Variants in CPLANE1 observed in about 807,000 individuals in gnomAD.
CPLANE1 encodes ciliogenesis and planar polarity effector 1.
CPLANE1 carries 263 observed loss-of-function variants against 362.5 expected under a neutral mutation model. That is an observed-to-expected ratio of 0.73 (90% CI 0.66 to 0.80). The LOEUF is 0.80. Among genes scored for constraint, CPLANE1 ranks in the 30% least tolerant of loss-of-function variants. CPLANE1 has a pLI of 0.00. For synonymous variants in CPLANE1, 1,212 were observed against 1,302.6 expected, an observed-to-expected ratio of 0.93 and a Z score of 1.50; for missense variants, 3,461 against 3,793.4, an observed-to-expected ratio of 0.91 and a Z score of 2.30.
Position 37,186,360 on chromosome 5 carries a change from G to A in CPLANE1, c.4115C>T (p.Pro1372Leu). 1 of 1,603,464 alleles carries A rather than the reference G, an allele frequency of 6.2e-7. No homozygotes were observed. Among genetic ancestry groups the A allele is most frequent in the Non-Finnish European group, 8.5e-7 (1 of 1,171,302 alleles). ...TCTTAAAGGAACCCTCACGTCCTCA[G>A]GATAGGGAAATGCTTTCACGAAAAT... ...AEIFVKAFPY[P>L]EDVRVPLRDK... Residue 1372 changes from proline (P) to leucine (L), a missense_variant, in exon 24 of 53, where the codon CCT becomes CTT. Pro to Leu is a moderately conservative substitution (Grantham distance 98). Around this residue, in one of 2 missense-constraint regions of CPLANE1, gnomAD observed 3,380 missense variants for 3,666.1 expected, o/e 0.92. Coordinates refer to ENST00000651892, the MANE Select transcript of CPLANE1 (RefSeq NM_001384732.1).
intron 32 of CPLANE1, among the ~76,000 whole-genome samples, chr5:37,170,691 AT>A (rs1779557629): frequency 6.6e-6 from 1 of 152,202 alleles, no homozygotes; most frequent in Admixed American, 6.5e-5. Flanking sequence ...TAATCCCAGC[AT>A]TTTGGGAGGC....
intron 18 of CPLANE1, among the ~76,000 whole-genome samples, chr5:37,202,432 C>A (rs892673401): frequency 6.6e-6 from 1 of 152,104 alleles, no homozygotes; most frequent in Admixed American, 6.6e-5. Flanking sequence ...GGATTACAGA[C>A]ATGACCACCG....
chr5:37,244,692 A>T (rs1018218375), intron 4 of CPLANE1, 85 bp from the exon 5 acceptor site: 2 of 644,276 alleles, frequency 3.1e-6, no homozygotes, highest in Middle Eastern at 4.0e-4. Flanking sequence ...TTCTTACAAT[A>T]AAAAAAAAAC....
chr5:37,211,937 T>C, intron 16 of CPLANE1: 2 of 808,858 alleles, frequency 2.5e-6, no homozygotes, highest in Non-Finnish European at 4.5e-6. Context: ...CAGCTGTAGC[T>C]GCTGTGCCCC....
Position 37,169,413 on chromosome 5 carries a change from G to A in CPLANE1, c.6611C>T (p.Ser2204Phe), listed in dbSNP as rs542481988. 4 of 1,614,220 alleles carry A rather than the reference G, an allele frequency of 2.5e-6. No homozygotes were observed. Among genetic ancestry groups the A allele is most frequent in the Non-Finnish European group, 3.4e-6 (4 of 1,180,036 alleles). The change falls in exon 34 of 53, where the codon TCT (serine) becomes TTT (phenylalanine). Residue 2204 changes from serine to phenylalanine, a missense_variant. Physicochemically the swap from Ser to Phe is radical, Grantham distance 155. This residue lies in a region of CPLANE1 where 3,380 missense variants were observed against 3,666.1 expected (regional missense o/e 0.92). Transcript: ENST00000651892. ...AAGTCTAGGTGCCTTCTGAACAACAGAAGGTGTGGACAAAAGGTAGAGGTG... is the reference window on the plus strand; with the variant it reads ...AAGTCTAGGTGCCTTCTGAACAACAAAAGGTGTGGACAAAAGGTAGAGGTG... Reference protein sequence around the residue: ...NTHLYLLSTPSVVQKAPRLIP... With the variant: ...NTHLYLLSTPFVVQKAPRLIP...
At position 37,239,877 on chromosome 5, in the gene CPLANE1, A is replaced by C. The variant is rs1333090363; in HGVS notation, c.678-8T>G. On this transcript the variant is annotated splice_polypyrimidine_tract_variant and splice_region_variant and intron_variant, in intron 6 of 52. Transcript: ENST00000651892. Reference sequence around the variant, plus strand: ...ACATGGTATGGCAATGATCTAAAAAAGTAATGAAATAATTGAAAACAAAAG... The same window carrying C: ...ACATGGTATGGCAATGATCTAAAAACGTAATGAAATAATTGAAAACAAAAG... The C allele has an allele frequency of 2.1e-6, 3 of 1,451,696 alleles. No individual in the cohort carries two copies. The highest frequency in any genetic ancestry group is 1.8e-6 in the Non-Finnish European group (2 of 1,091,154). The allele number at this position is 1,451,696 out of a possible 1,614,324, so 89.9% of individuals were successfully genotyped here.
the CPLANE1 span, among the ~76,000 whole-genome samples, chr5:37,081,868 C>A: frequency 1.3e-5 from 2 of 151,954 alleles, no homozygotes; most frequent in African/African-American, 4.8e-5. Context: ...TGGCCGGGCA[C>A]AGTGGCACAC....
rs1239997325 is a variant in CPLANE1 at position 37,205,403 on chromosome 5, A to C, written c.3201T>G (p.Ile1067Met). ...NLPLRMTPAQ[I>M]FQEKLQCVLG... is the part of the protein sequence containing the mutation. ...AAACACACTGCAGTTTTTCCTGAAA[A>C]ATCTGTGCTGGAGTCATACGGAGTG... The change falls in exon 18 of 53, where the codon ATT (isoleucine) becomes ATG (methionine). Residue 1067 changes from isoleucine to methionine, a missense_variant. This residue lies in a region of CPLANE1 where 3,380 missense variants were observed against 3,666.1 expected (regional missense o/e 0.92). Coordinates refer to ENST00000651892, the MANE Select transcript of CPLANE1 (RefSeq NM_001384732.1). 6.4e-7 allele frequency: 1 copy of C among 1,550,688 alleles called. No individual in the cohort carries two copies. Among genetic ancestry groups the C allele is most frequent in the Non-Finnish European group, 8.7e-7 (1 of 1,146,446 alleles).
At chr5:37,171,426 A>G (rs1779753982) in intron 32 of CPLANE1, among the ~76,000 whole-genome samples, 3 of 152,192 alleles carry the variant, frequency 2.0e-5, no homozygotes, top group Admixed American at 1.3e-4. Flanking sequence ...TTGTATTTCC[A>G]AAGTCTAAGT....
Position 37,182,972 on chromosome 5 carries a change from G to A in CPLANE1, c.5209C>T (p.Leu1737=), listed in dbSNP as rs1409647824. 6.2e-7 allele frequency: 1 copy of A among 1,608,180 alleles called. No homozygotes were observed. Among genetic ancestry groups the A allele is most frequent in the Non-Finnish European group, 8.5e-7 (1 of 1,177,192 alleles). ...INPQEDLPLA[L]NTFGSIGRLL... ...CTTCCTATACTGCCAAAAGTGTTTA[G>A]TGCTAAAGGAAGATCTTCTTGAGGG... The change falls in exon 26 of 53, where the codon CTA becomes TTA. Residue 1737 remains leucine, a synonymous_variant. Coordinates refer to ENST00000651892, the MANE Select transcript of CPLANE1 (RefSeq NM_001384732.1).
intron 5 of CPLANE1, among the ~76,000 whole-genome samples, chr5:37,243,833 G>T (rs1400053133): frequency 1.4e-5 from 2 of 143,226 alleles, no homozygotes; most frequent in South Asian, 2.1e-4. Flanking sequence ...TATTATATAC[G>T]TGTATATATA....
Position 37,248,600 on chromosome 5 carries a change from T to C in CPLANE1, c.-48+645A>G, listed in dbSNP as rs533875071. 1.2e-3 allele frequency among the ~76,000 whole-genome samples: 186 copies of C among 152,260 alleles called. 1 individual carries two copies. The highest frequency in any genetic ancestry group is 4.4e-3 in the African/African-American group (181 of 41,546). On this transcript the variant is annotated intron_variant, in intron 1 of 52. Coordinates refer to ENST00000651892, the MANE Select transcript of CPLANE1 (RefSeq NM_001384732.1). ...AGTTCGAGGCTGCAGTGAGCTGTGA[T>C]TGTGCCTGTGAGAGCCACTGCACTC...
In CPLANE1 at chr5:37,139,454, GAAATT is replaced by G. The variant is rs1374221849; in HGVS notation, c.8633-89_8633-85del. The G allele has an allele frequency of 3.7e-6, 4 of 1,079,636 alleles. No homozygotes were observed. In the East Asian group the frequency reaches 1.3e-4, roughly 35 times the overall value. 66.9% of individuals were successfully genotyped at this position (1,079,636 alleles called of 1,614,324 possible). On this transcript the variant is annotated intron_variant, in intron 44 of 52. Transcript: ENST00000651892. ...ATCTAATTTAGAAATTATATAACCA[GAAATT>G]AAATTAAAATACTTTTAAACTTCCA...
In CPLANE1 at chr5:37,226,921, A is replaced by G; in HGVS notation, c.1674T>C (p.Asp558=). 8 of 1,551,878 alleles carry G rather than the reference A, an allele frequency of 5.2e-6. No homozygotes were observed. Among genetic ancestry groups the G allele is most frequent in the Non-Finnish European group, 6.1e-6 (7 of 1,146,996 alleles). The change falls in exon 12 of 53, where the codon GAT becomes GAC. Residue 558 remains aspartate (D), a synonymous_variant. Coordinates refer to ENST00000651892, the MANE Select transcript of CPLANE1 (RefSeq NM_001384732.1). Reference sequence around the variant, plus strand: ...TAATGGTTCTATCTGTCTCCTCACTATCATCCTTTGCATGTATCGTATCAA... The same window carrying G: ...TAATGGTTCTATCTGTCTCCTCACTGTCATCCTTTGCATGTATCGTATCAA... ...SMFDTIHAKD[D]SEETDRTITE... is the part of the protein sequence containing the mutation.
the CPLANE1 span, among the ~76,000 whole-genome samples, chr5:37,091,039 C>T: frequency 1.3e-5 from 2 of 152,184 alleles, no homozygotes; most frequent in African/African-American, 4.8e-5. Context: ...TTGCATCAAT[C>T]TTTCCACCAA....
chr5:37,078,143 TCC>T, the CPLANE1 span, among the ~76,000 whole-genome samples: 1 of 152,156 alleles, frequency 6.6e-6, no homozygotes, highest in East Asian at 1.9e-4. Flanking sequence ...GTACAGATCA[TCC>T]CATCACCTAG....
chr5:37,202,225 G>C (rs1789409033), intron 18 of CPLANE1, among the ~76,000 whole-genome samples: 2 of 151,620 alleles, frequency 1.3e-5, no homozygotes, highest in Admixed American at 1.3e-4. Flanking sequence ...GCAGTGGCAG[G>C]ATCTCGGCTC....
chr5:37,226,768 A>T lies in CPLANE1; in HGVS notation c.1827T>A (p.Leu609=). Residue 609 remains leucine, a synonymous_variant, in exon 12 of 53, where the codon CTT becomes CTA. Transcript: ENST00000651892. The stretch of plus-strand genomic sequence containing the variant: ...TAGGAAAAGGACATTTTATAAATTG[A>T]AGAATGTAAAAAAAATGAGTGATAC... ...VVCITHFFYI[L]QFIKCPFPKL... 1 of 1,542,316 alleles carries T rather than the reference A, an allele frequency of 6.5e-7. No individual in the cohort carries two copies. The highest frequency in any genetic ancestry group is 8.7e-7 in the Non-Finnish European group (1 of 1,143,292).
intron 50 of CPLANE1, among the ~76,000 whole-genome samples, chr5:37,116,462 G>A (rs1480297946): frequency 6.9e-6 from 1 of 144,154 alleles, no homozygotes; most frequent in Non-Finnish European, 1.5e-5. Flanking sequence ...CTCCAGTCTG[G>A]GTGACAGAGC....
Sources: gnomAD v4.1 joint callset for allele counts (sites outside exome capture counted in the v4.1 genomes callset) on GRCh38, gnomAD v4.1.1 for gene constraint, gnomAD v4.1.1 regional missense constraint, MANE v1.5 for transcripts, NCBI Gene and HGNC (gene_info 2026-07-23, HGNC 2026-07-21) for gene names.